NPAS3: variants seen among roughly 807,000 people sequenced by gnomAD.
NPAS3 encodes neuronal PAS domain-containing protein 3.
NPAS3 carries 14 observed loss-of-function variants against 73.1 expected under a neutral mutation model. The observed-to-expected ratio is 0.19, with a 90% confidence interval of 0.13 to 0.30. The LOEUF is 0.30. NPAS3 is among the 10% of genes least tolerant of loss of function. NPAS3 has a pLI of 1.00. For missense variants in NPAS3, 1,096 were observed against 1,250.0 expected (o/e 0.88, Z 1.86); for synonymous variants, 620 against 541.5 (o/e 1.14, Z -2.01).
intron 4 of NPAS3, among the ~76,000 whole-genome samples, chr14:33,375,685 G>C (rs2046283798): frequency 6.6e-6 from 1 of 152,116 alleles, no homozygotes; most frequent in African/African-American, 2.4e-5. Context: ...CCTCTCCTAT[G>C]TCCTCACCTC....
chr14:33,695,184 T>A (rs2060342159), intron 6 of NPAS3, among the ~76,000 whole-genome samples: 1 of 152,208 alleles, frequency 6.6e-6, no homozygotes, highest in Non-Finnish European at 1.5e-5. Flanking sequence ...TGAGGGAGCT[T>A]CCATAATAAT....
At chr14:33,679,485 A>G (rs924229666) in intron 6 of NPAS3, among the ~76,000 whole-genome samples, 1 of 151,270 alleles carries the variant, frequency 6.6e-6, no homozygotes, top group African/African-American at 2.4e-5. Flanking sequence ...AATAACTAAC[A>G]TGAAGGAACA....
chr14:33,659,562 A>T (rs2059246994), intron 5 of NPAS3, among the ~76,000 whole-genome samples: 1 of 152,208 alleles, frequency 6.6e-6, no homozygotes, highest in Non-Finnish European at 1.5e-5. Flanking sequence ...TATTAGCCTC[A>T]AAGACAGAAC....
chr14:33,415,224 C>T (rs980797601), intron 4 of NPAS3, among the ~76,000 whole-genome samples: 2 of 152,120 alleles, frequency 1.3e-5, no homozygotes, highest in Admixed American at 6.6e-5. Flanking sequence ...GAAGCTTTCT[C>T]ATTCTGTTAA....
At chr14:33,350,237 T>C (rs1181023360) in intron 3 of NPAS3, among the ~76,000 whole-genome samples, 1 of 152,160 alleles carries the variant, frequency 6.6e-6, no homozygotes, top group Non-Finnish European at 1.5e-5. Context: ...TAAAAGTTTG[T>C]AACTAGATAA....
intron 4 of NPAS3, among the ~76,000 whole-genome samples, chr14:33,370,970 C>G (rs1438886621): frequency 1.3e-5 from 2 of 152,072 alleles, no homozygotes; most frequent in Non-Finnish European, 2.9e-5. Context: ...CAGGCTAGGT[C>G]TGGAATTACT....
chr14:33,355,954 T>C (rs78814018), intron 3 of NPAS3, among the ~76,000 whole-genome samples: 3,111 of 152,358 alleles, frequency 0.02, 48 homozygotes, highest in South Asian at 0.038. Flanking sequence ...GCCAGCTCCA[T>C]GCAGGCCCAT....
chr14:33,122,353 G>A (rs558315139), intron 2 of NPAS3, among the ~76,000 whole-genome samples: 3 of 152,254 alleles, frequency 2.0e-5, no homozygotes, highest in African/African-American at 7.2e-5. Context: ...TTCTCCAGAA[G>A]AGGGAAACTT....
chr14:33,567,106 A>C (rs988980647), intron 5 of NPAS3, among the ~76,000 whole-genome samples: 2 of 152,190 alleles, frequency 1.3e-5, no homozygotes, highest in Non-Finnish European at 2.9e-5. Flanking sequence ...TCTTCCTGCC[A>C]CACAGCTTGT....
chr14:33,397,756 A>C (rs2047284469), intron 4 of NPAS3, among the ~76,000 whole-genome samples: 1 of 152,118 alleles, frequency 6.6e-6, no homozygotes, highest in African/African-American at 2.4e-5. Context: ...CCTAGCCCGA[A>C]TTCAAATCCA....
chr14:33,225,559 A>G (rs1258177237), intron 3 of NPAS3, among the ~76,000 whole-genome samples: 7 of 152,256 alleles, frequency 4.6e-5, no homozygotes, highest in Non-Finnish European at 8.8e-5. Context: ...TTATAGTGCA[A>G]AAGTAGCTAT....
At chr14:33,779,744 T>C (rs1217708716) in intron 9 of NPAS3, among the ~76,000 whole-genome samples, 4 of 152,190 alleles carry the variant, frequency 2.6e-5, no homozygotes, top group African/African-American at 9.6e-5. Context: ...TCTAGGTTTA[T>C]GTAAGTGCAC....
intron 5 of NPAS3, among the ~76,000 whole-genome samples, chr14:33,636,100 A>G (rs1413570661): frequency 6.6e-6 from 1 of 152,174 alleles, no homozygotes; most frequent in African/African-American, 2.4e-5. Flanking sequence ...TTGTATTTTT[A>G]GTAAAGACAG....
At chr14:32,994,649 T>TTTTTTTTG (rs2038488282) in intron 1 of NPAS3, among the ~76,000 whole-genome samples, 2 of 150,482 alleles carry the variant, frequency 1.3e-5, no homozygotes, top group Admixed American at 6.6e-5. Context: ...TTTTTTTTTT[T>TTTTTTTTG]GAGACAGAGT....
chr14:33,385,277 T>C (rs2046729822), intron 4 of NPAS3, among the ~76,000 whole-genome samples: 1 of 152,142 alleles, frequency 6.6e-6, no homozygotes, highest in Non-Finnish European at 1.5e-5. Context: ...ACAGCTGTTC[T>C]CGTGCTGTGG....
intron 2 of NPAS3, among the ~76,000 whole-genome samples, chr14:33,087,229 TATATTA>T (rs2042067024): frequency 1.1e-5 from 1 of 92,724 alleles, no homozygotes; most frequent in South Asian, 4.0e-4. Flanking sequence ...TTGTATAATA[TATATTA>T]TACAATATTG....
intron 7 of NPAS3, among the ~76,000 whole-genome samples, chr14:33,747,070 C>T (rs1462732418): frequency 6.6e-6 from 1 of 152,022 alleles, no homozygotes; most frequent in East Asian, 1.9e-4. Flanking sequence ...CCATTTGACC[C>T]AGCCATCCCA....
intron 4 of NPAS3, among the ~76,000 whole-genome samples, chr14:33,480,520 A>T (rs879288873): frequency 1.3e-3 from 40 of 31,788 alleles, no homozygotes; most frequent in Non-Finnish European, 1.8e-3. Flanking sequence ...CCTCTCCCCC[A>T]CTCTCCCCCT....
chr14:33,195,215 T>C (rs933139051), intron 2 of NPAS3, among the ~76,000 whole-genome samples: 2 of 151,284 alleles, frequency 1.3e-5, no homozygotes, highest in African/African-American at 4.9e-5. Context: ...CATTTGAACC[T>C]CTCCCACCCA....
Sources: gnomAD v4.1 joint callset for allele counts (sites outside exome capture counted in the v4.1 genomes callset) on GRCh38, gnomAD v4.1.1 for gene constraint, MANE v1.5 for transcripts, NCBI Gene and HGNC (gene_info 2026-07-23, HGNC 2026-07-21) for gene names.